MPP4: variants seen among roughly 807,000 people sequenced by gnomAD.
MPP4 encodes MAGUK p55 scaffold protein 4.
Under a neutral mutation model 98.3 loss-of-function variants are expected in MPP4, and 91 were observed. The observed-to-expected ratio is 0.93, with a 90% CI of 0.78 to 1.10. The LOEUF (loss-of-function observed/expected upper bound fraction) is 1.10. MPP4 is among the 50% of genes least tolerant of loss of function. The pLI, the probability that MPP4 is intolerant of heterozygous loss-of-function variation, is 0.00. For missense variants in MPP4, 744 were observed against 792.9 expected (o/e 0.94, Z 0.74); for synonymous variants, 261 against 271.8 (o/e 0.96, Z 0.39).
intron 16 of MPP4, among the ~76,000 whole-genome samples, chr2:201,657,084 TG>T (rs1687867082): frequency 6.6e-6 from 1 of 152,150 alleles, no homozygotes; most frequent in South Asian, 2.1e-4. Context: ...AAGACTCCTC[TG>T]GTTGGTGTAA....
At chr2:201,675,295 G>A (rs1217885460) in intron 10 of MPP4, 24 bp from the exon 11 acceptor site, 6 of 1,594,868 alleles carry the variant, frequency 3.8e-6, no homozygotes, top group Admixed American at 1.7e-5. Flanking sequence ...AAAACCATGC[G>A]ACAAAAAACA....
At chr2:201,671,571 G>T (rs1046596853) in intron 11 of MPP4, among the ~76,000 whole-genome samples, 1 of 151,636 alleles carries the variant, frequency 6.6e-6, no homozygotes, top group Non-Finnish European at 1.5e-5. Context: ...CCAAGCAAAT[G>T]GAAAGCAAAA....
chr2:201,684,973 GA>G lies in MPP4; in HGVS notation c.574+90del, dbSNP rs1688778191. 4.6e-5 allele frequency: 37 copies of G among 811,056 alleles called. 1 individual carries two copies. Among genetic ancestry groups the G allele is most frequent in the East Asian group, 2.1e-4 (6 of 28,640 alleles). The allele number at this position is 811,056 out of a possible 1,614,324, so 50.2% of individuals were successfully genotyped here. A position where few individuals can be genotyped will look rare whatever the true frequency, so the allele number is the denominator to read the frequency against. Reference sequence around the variant, plus strand: ...AAAAAAAAAAAAAGAAAAAAAAAAAGAAAAAAAAGGGATTTCTCTAGAAAGA... The same window carrying G: ...AAAAAAAAAAAAAGAAAAAAAAAAAGAAAAAAAGGGATTTCTCTAGAAAGA... On this transcript the variant is annotated intron_variant, in intron 7 of 21. Coordinates refer to ENST00000409474, the MANE Select transcript of MPP4 (RefSeq NM_033066.3).
At chr2:201,653,577 T>C (rs752324393) in intron 18 of MPP4, among the ~76,000 whole-genome samples, 3 of 152,258 alleles carry the variant, frequency 2.0e-5, no homozygotes, top group Non-Finnish European at 4.4e-5. Context: ...ATTTTAACTT[T>C]CTTTTACACA....
chr2:201,667,318 C>T (rs1041577926), intron 12 of MPP4, among the ~76,000 whole-genome samples: 1 of 152,204 alleles, frequency 6.6e-6, no homozygotes, highest in Non-Finnish European at 1.5e-5. Context: ...TGTCATGCTT[C>T]TAGGTCCATC....
intron 10 of MPP4, among the ~76,000 whole-genome samples, chr2:201,678,340 C>T (rs1038273763): frequency 2.0e-5 from 3 of 152,148 alleles, no homozygotes; most frequent in African/African-American, 7.2e-5. Flanking sequence ...GTGCTTTAAT[C>T]CCTATAAGAC....
rs1284812141 is a variant in MPP4 at position 201,651,584 on chromosome 2, ATT to A, written c.1382-1421_1382-1420del. ...GAGCAGTATTTTCTCACTTTGAATG[ATT>A]AAAAATCTACGTTGATATTCTTAAA... On this transcript the variant is annotated intron_variant, in intron 18 of 21. Coordinates refer to ENST00000409474, the MANE Select transcript of MPP4 (RefSeq NM_033066.3). The A allele has an allele frequency of 4.7e-5, 46 of 984,890 alleles. No individual in the cohort carries two copies. In the African/African-American group the frequency reaches 7.8e-4, roughly 17 times the overall value. The allele number at this position is 984,890 out of a possible 1,614,324, so 61.0% of individuals were successfully genotyped here. A position where few individuals can be genotyped will look rare whatever the true frequency, so the allele number is the denominator to read the frequency against.
intron 12 of MPP4, among the ~76,000 whole-genome samples, chr2:201,667,693 T>A (rs1408203155): frequency 6.6e-6 from 1 of 152,222 alleles, no homozygotes; most frequent in Non-Finnish European, 1.5e-5. Context: ...ATGAAGCTTA[T>A]ACATGTTCCA....
intron 8 of MPP4, 34 bp downstream of exon 8, chr2:201,682,797 A>C (rs1442450778): frequency 6.3e-7 from 1 of 1,588,864 alleles, no homozygotes; most frequent in African/African-American, 1.3e-5. Context: ...GCATTTCTCC[A>C]AGTCATTAAC....
chr2:201,682,702 G>T, intron 8 of MPP4, 129 bp downstream of exon 8: 1 of 709,452 alleles, frequency 1.4e-6, no homozygotes. Context: ...CTGGGAGCCT[G>T]GAGGGAGAAA....
At chr2:201,679,561 C>T (rs1320594145) in intron 10 of MPP4, among the ~76,000 whole-genome samples, 1 of 152,152 alleles carries the variant, frequency 6.6e-6, no homozygotes, top group African/African-American at 2.4e-5. Flanking sequence ...CCTCGTGGTA[C>T]CATTTCTATG....
At chr2:201,647,538 C>T (rs1687597967) in intron 21 of MPP4, among the ~76,000 whole-genome samples, 153 bp downstream of exon 21, 1 of 151,652 alleles carries the variant, frequency 6.6e-6, no homozygotes, top group Non-Finnish European at 1.5e-5. Context: ...TAAATAAAAC[C>T]ATAGTAAACC....
In MPP4 at chr2:201,681,147, C is replaced by T. The variant is rs972289777; in HGVS notation, c.733-113G>A. ...ACCATTTCTCCCACTCCTCCACCTG[C>T]TACTCCTATCTTTCCTCTCCACCCT... On this transcript the variant is annotated intron_variant, in intron 9 of 21. Transcript: ENST00000409474. The T allele has an allele frequency of 2.3e-5, 24 of 1,056,320 alleles. No individual in the cohort carries two copies. In the African/African-American group the frequency reaches 3.7e-4, roughly 16 times the overall value. 65.4% of individuals were successfully genotyped at this position (1,056,320 alleles called of 1,614,324 possible).
At position 201,650,114 on chromosome 2, in the gene MPP4, T is replaced by C. The variant is rs750649233; in HGVS notation, c.1433A>G (p.Tyr478Cys). 3.8e-6 allele frequency: 6 copies of C among 1,581,570 alleles called. No individual in the cohort carries two copies. Among genetic ancestry groups the C allele is most frequent in the South Asian group, 1.2e-5 (1 of 86,250 alleles). Residue 478 changes from tyrosine (Y) to cysteine (C), a missense_variant, in exon 19 of 22, where the codon TAT becomes TGT. Coordinates refer to ENST00000409474, the MANE Select transcript of MPP4 (RefSeq NM_033066.3). ...GTTTTCAAATGTTTCCTTGGACACATAGTGATACTCACGCCCATTCATTTC... is the reference window on the plus strand; with the variant it reads ...GTTTTCAAATGTTTCCTTGGACACACAGTGATACTCACGCCCATTCATTTC... ...SYEMNGREYH[Y>C]VSKETFENLI...
intron 11 of MPP4, among the ~76,000 whole-genome samples, chr2:201,673,970 G>A (rs576975185): frequency 1.3e-4 from 20 of 152,316 alleles, no homozygotes; most frequent in African/African-American, 4.8e-4. Context: ...AGTAGGCTCA[G>A]CTGGCCTCTG....
intron 8 of MPP4, among the ~76,000 whole-genome samples, chr2:201,682,370 T>C (rs959248391): frequency 9.9e-5 from 15 of 152,170 alleles, no homozygotes; most frequent in African/African-American, 3.4e-4. Context: ...GGAACCCAGT[T>C]TGAGAACCAC....
chr2:201,649,111 C>T (rs1449661212), intron 20 of MPP4, among the ~76,000 whole-genome samples: 8 of 151,898 alleles, frequency 5.3e-5, no homozygotes, highest in Admixed American at 3.3e-4. Context: ...CACACACACA[C>T]GAAGAAAATA....
intron 1 of MPP4, among the ~76,000 whole-genome samples, chr2:201,694,838 T>TC (rs1476960685): frequency 6.6e-6 from 1 of 151,976 alleles, no homozygotes; most frequent in Non-Finnish European, 1.5e-5. Flanking sequence ...CAGGCTGGTC[T>TC]CCAACTTCTG....
chr2:201,671,727 A>G (rs1688349297), intron 11 of MPP4, among the ~76,000 whole-genome samples: 1 of 152,234 alleles, frequency 6.6e-6, no homozygotes, highest in Non-Finnish European at 1.5e-5. Flanking sequence ...TGCACCGAAT[A>G]GAGAAGCACC....
Sources: allele counts gnomAD v4.1 joint callset (sites outside exome capture counted in the v4.1 genomes callset), GRCh38; gene constraint gnomAD v4.1.1; transcripts MANE v1.5; gene names NCBI Gene and HGNC (gene_info 2026-07-23, HGNC 2026-07-21).